CACNA2D3: variants seen among roughly 807,000 people sequenced by gnomAD.
CACNA2D3 encodes the protein calcium voltage-gated channel auxiliary subunit alpha2delta 3, also known as voltage-dependent calcium channel subunit alpha-2/delta-3.
A neutral mutation model predicts 160.6 loss-of-function variants in CACNA2D3; 60 were observed. The observed-to-expected ratio is 0.37, with a 90% CI of 0.30 to 0.46. The LOEUF is 0.46. Among genes scored for constraint, CACNA2D3 ranks in the 20% least tolerant of loss-of-function variants. The pLI, the probability that CACNA2D3 is intolerant of heterozygous loss-of-function variation, is 1.00. For missense variants in CACNA2D3, 1,205 were observed against 1,365.0 expected, an observed-to-expected ratio of 0.88 and a Z score of 1.85; for synonymous variants, 558 against 492.9, an observed-to-expected ratio of 1.13 and a Z score of -1.75.
intron 2 of CACNA2D3, among the ~76,000 whole-genome samples, chr3:54,195,880 A>T (rs1559878664): frequency 6.6e-6 from 1 of 151,500 alleles, no homozygotes. Flanking sequence ...GCAAGTGAAA[A>T]CCCTGTTCAT....
chr3:54,737,180 ATATGTG>A (rs1371294376), intron 11 of CACNA2D3, among the ~76,000 whole-genome samples: 38 of 91,878 alleles, frequency 4.1e-4, no homozygotes, highest in African/African-American at 1.4e-3. Context: ...ATCCATGTGT[ATATGTG>A]TGTGTGTGTG....
intron 4 of CACNA2D3, among the ~76,000 whole-genome samples, chr3:54,440,424 C>T (rs1044788379): frequency 5.3e-5 from 8 of 152,132 alleles, no homozygotes; most frequent in African/African-American, 1.9e-4. Context: ...CCTGAGCTCC[C>T]TTTCTGAATT....
chr3:55,007,056 A>G (rs1250888648), intron 32 of CACNA2D3, among the ~76,000 whole-genome samples: 1 of 152,212 alleles, frequency 6.6e-6, no homozygotes, highest in East Asian at 1.9e-4. Flanking sequence ...GGTACAAAGA[A>G]CCAACTGAGG....
chr3:54,540,938 A>C (rs1034271415), intron 5 of CACNA2D3, among the ~76,000 whole-genome samples: 1 of 152,188 alleles, frequency 6.6e-6, no homozygotes, highest in East Asian at 1.9e-4. Flanking sequence ...AGATGAAGTC[A>C]TACTGGATTT....
chr3:54,449,715 G>T (rs1700276300), intron 4 of CACNA2D3, among the ~76,000 whole-genome samples: 1 of 152,090 alleles, frequency 6.6e-6, no homozygotes, highest in Non-Finnish European at 1.5e-5. Flanking sequence ...TCCCTGCTCT[G>T]CCATGTAAGA....
intron 3 of CACNA2D3, among the ~76,000 whole-genome samples, chr3:54,365,258 G>C (rs891144718): frequency 2.0e-5 from 3 of 152,164 alleles, no homozygotes; most frequent in Admixed American, 6.5e-5. Flanking sequence ...GGCTCAAGAC[G>C]CTCCACTCTG....
intron 4 of CACNA2D3, among the ~76,000 whole-genome samples, chr3:54,494,158 A>AC (rs1701160863): frequency 6.6e-6 from 1 of 152,254 alleles, no homozygotes; most frequent in African/African-American, 2.4e-5. Context: ...GACATGGGGA[A>AC]CAAGGATTCA....
At chr3:54,417,506 G>A (rs935400270) in intron 4 of CACNA2D3, among the ~76,000 whole-genome samples, 6 of 151,466 alleles carry the variant, frequency 4.0e-5, no homozygotes, top group African/African-American at 1.5e-4. Context: ...TCTTTTACAT[G>A]GAAAGGATAG....
intron 2 of CACNA2D3, among the ~76,000 whole-genome samples, chr3:54,148,092 C>G (rs1700070492): frequency 6.6e-6 from 1 of 152,234 alleles, no homozygotes; most frequent in Admixed American, 6.5e-5. Flanking sequence ...CCACTGCGCC[C>G]AGCTGATGGG....
intron 11 of CACNA2D3, among the ~76,000 whole-genome samples, chr3:54,686,651 A>G (rs1700454208): frequency 6.6e-6 from 1 of 152,166 alleles, no homozygotes; most frequent in Non-Finnish European, 1.5e-5. Flanking sequence ...AATATTTTAC[A>G]TTTCCAATGA....
chr3:54,222,809 CTGTT>C lies in CACNA2D3; in HGVS notation c.205-97629_205-97626del, dbSNP rs148324453. 6.8e-3 allele frequency among the ~76,000 whole-genome samples: 1,028 copies of C among 152,198 alleles called. 2 individuals carry two copies. The highest frequency in any genetic ancestry group is 0.012 in the Non-Finnish European group (803 of 68,010). On this transcript the variant is annotated intron_variant, in intron 2 of 37. Transcript: ENST00000474759. ...CAATAGTGACAACTTTTCTGAGTCTCTGTTTGTGTTTTTTATTTTAAGGAATACG... is the reference window on the plus strand; with the variant it reads ...CAATAGTGACAACTTTTCTGAGTCTCTGTGTTTTTTATTTTAAGGAATACG...
At chr3:54,975,521 C>CA (rs55819960) in intron 29 of CACNA2D3, among the ~76,000 whole-genome samples, 4,452 of 77,544 alleles carry the variant, frequency 0.057, 330 homozygotes, top group Non-Finnish European at 0.082. Flanking sequence ...ACTTGGTCTC[C>CA]AAAAAAAAAA....
chr3:54,365,866 T>TAAATA (rs756354858), intron 3 of CACNA2D3, among the ~76,000 whole-genome samples: 16 of 152,036 alleles, frequency 1.1e-4, no homozygotes, highest in Admixed American at 2.6e-4. Flanking sequence ...CATCTCAAAA[T>TAAATA]AAATAAAATA....
At chr3:54,858,015 A>G (rs1396988763) in intron 17 of CACNA2D3, among the ~76,000 whole-genome samples, 1 of 151,872 alleles carries the variant, frequency 6.6e-6, no homozygotes, top group African/African-American at 2.4e-5. Flanking sequence ...AAAGGATTTG[A>G]TGAGGAAAAG....
chr3:54,981,412 T>A (rs1702504839), intron 29 of CACNA2D3, among the ~76,000 whole-genome samples: 1 of 152,106 alleles, frequency 6.6e-6, no homozygotes, highest in Non-Finnish European at 1.5e-5. Flanking sequence ...TACAGAGGAT[T>A]TTTTACCTAA....
intron 5 of CACNA2D3, among the ~76,000 whole-genome samples, chr3:54,562,173 T>C (rs918574154): frequency 2.0e-5 from 3 of 152,190 alleles, no homozygotes; most frequent in African/African-American, 7.2e-5. Context: ...CCTCTGTTCC[T>C]CTACAAGAGT....
chr3:54,522,117 G>C (rs1221212792), intron 5 of CACNA2D3, among the ~76,000 whole-genome samples: 6 of 152,042 alleles, frequency 3.9e-5, no homozygotes, highest in Non-Finnish European at 7.4e-5. Context: ...TGGATCTGTA[G>C]CTTTTTTTTG....
At chr3:54,437,863 A>C (rs942359518) in intron 4 of CACNA2D3, among the ~76,000 whole-genome samples, 4 of 152,208 alleles carry the variant, frequency 2.6e-5, no homozygotes, top group Admixed American at 2.6e-4. Context: ...AACAAGGAAG[A>C]CAGACACTCA....
At chr3:54,176,517 C>T (rs1298465262) in intron 2 of CACNA2D3, among the ~76,000 whole-genome samples, 1 of 152,086 alleles carries the variant, frequency 6.6e-6, no homozygotes, top group Non-Finnish European at 1.5e-5. Context: ...CACGTGTGCT[C>T]CTACTAAAGC....
Sources: gnomAD v4.1 joint callset for allele counts (sites outside exome capture counted in the v4.1 genomes callset) on GRCh38, gnomAD v4.1.1 for gene constraint, MANE v1.5 for transcripts, NCBI Gene and HGNC (gene_info 2026-07-23, HGNC 2026-07-21) for gene names.